Variants in XRCC4 observed in about 807,000 individuals in gnomAD.
The protein encoded by XRCC4 is DNA repair protein XRCC4.
In XRCC4, 28 loss-of-function variants were observed where a neutral mutation model predicts 39.1. The ratio of observed to expected loss-of-function variants is 0.72; its 90% CI spans 0.53 to 0.98. The LOEUF (loss-of-function observed/expected upper bound fraction) is 0.98, where lower values mean the gene tolerates loss of function less well. Among genes scored for constraint, XRCC4 ranks in the 50% least tolerant of loss-of-function variants. The probability of loss-of-function intolerance (pLI) is 0.00; values close to 1 mark genes in which losing one functional copy is unlikely to be tolerated. For synonymous variants in XRCC4, 123 were observed against 126.4 expected (o/e 0.97, Z 0.18); for missense variants, 350 against 376.4 (o/e 0.93, Z 0.58).
At chr5:83,302,194 AG>A (rs2112047012) in intron 7 of XRCC4, among the ~76,000 whole-genome samples, 1 of 152,108 alleles carries the variant, frequency 6.6e-6, no homozygotes, top group East Asian at 1.9e-4. Flanking sequence ...CCCTGGCTTA[AG>A]CCCTTTTTCC....
rs192692916 is a variant in XRCC4 at position 83,259,657 on chromosome 5, G to T, written c.893+980G>T. 9.9e-5 allele frequency among the ~76,000 whole-genome samples: 15 copies of T among 151,998 alleles called. No individual in the cohort carries two copies. The East Asian group carries it at 2.7e-3, about 27-fold the overall frequency. On this transcript the variant is annotated intron_variant, in intron 7 of 7. Coordinates refer to ENST00000396027, the MANE Select transcript of XRCC4 (RefSeq NM_003401.5). ...AATGCCCTCATAACATTTTTTTCTGGAAAATACGTTTCATAAAGAATATAT... is the reference window on the plus strand; with the variant it reads ...AATGCCCTCATAACATTTTTTTCTGTAAAATACGTTTCATAAAGAATATAT...
At chr5:83,094,298 G>GTTCCCTCCCC (rs1561320501) in intron 1 of XRCC4, among the ~76,000 whole-genome samples, 1 of 70,892 alleles carries the variant, frequency 1.4e-5, no homozygotes, top group Non-Finnish European at 2.6e-5. Context: ...CTCCTTTCCC[G>GTTCCCTCCCC]TTCCCTCCCC....
At chr5:83,223,391 G>A (rs1752161450) in intron 6 of XRCC4, among the ~76,000 whole-genome samples, 1 of 152,040 alleles carries the variant, frequency 6.6e-6, no homozygotes, top group Admixed American at 6.5e-5. Flanking sequence ...TTTGGGTGCT[G>A]TGGTGTTGGG....
chr5:83,209,484 A>G (rs554919177), intron 6 of XRCC4, among the ~76,000 whole-genome samples: 1 of 152,228 alleles, frequency 6.6e-6, no homozygotes, highest in African/African-American at 2.4e-5. Context: ...TAAAATATAT[A>G]TGAATATTCT....
intron 4 of XRCC4, among the ~76,000 whole-genome samples, chr5:83,196,523 A>G (rs1750955485): frequency 6.6e-6 from 1 of 151,910 alleles, no homozygotes; most frequent in African/African-American, 2.4e-5. Context: ...TTTTTAAATT[A>G]TGAACTTTCT....
chr5:83,166,748 A>G (rs1057147200), intron 3 of XRCC4, among the ~76,000 whole-genome samples: 1 of 151,574 alleles, frequency 6.6e-6, no homozygotes, highest in Non-Finnish European at 1.5e-5. Context: ...AAGAGTTGGC[A>G]TTACAGGCGT....
At chr5:83,284,601 T>G (rs528647923) in intron 7 of XRCC4, among the ~76,000 whole-genome samples, 1 of 152,236 alleles carries the variant, frequency 6.6e-6, no homozygotes, top group South Asian at 2.1e-4. Flanking sequence ...TCATTTACTC[T>G]AGGATTGAGC....
chr5:83,100,883 G>C (rs1430676363), intron 1 of XRCC4, among the ~76,000 whole-genome samples: 1 of 152,052 alleles, frequency 6.6e-6, no homozygotes, highest in Non-Finnish European at 1.5e-5. Flanking sequence ...TAAATGTATT[G>C]ACTAATTGAT....
rs190525730 is a variant in XRCC4 at position 83,144,724 on chromosome 5, A to T, written c.315+33521A>T. On this transcript the variant is annotated intron_variant, in intron 3 of 7. Coordinates refer to ENST00000396027, the MANE Select transcript of XRCC4 (RefSeq NM_003401.5). The stretch of plus-strand genomic sequence containing the variant: ...AAAATCCTTCTGCTGTTTGTCCTGC[A>T]GATTGGATAATTTATATTGATCTTT... Among the ~76,000 whole-genome samples the T allele has an allele frequency of 7.5e-3, 1,147 of 152,044 alleles. 7 individuals carry two copies. Among genetic ancestry groups the T allele is most frequent in the South Asian group, 0.013 (65 of 4,818 alleles).
chr5:83,336,238 A>G lies in XRCC4; in HGVS notation c.894-16893A>G, dbSNP rs569888852. 7.9e-5 allele frequency among the ~76,000 whole-genome samples: 12 copies of G among 152,272 alleles called. No homozygotes were observed. In the South Asian group the frequency reaches 2.3e-3, roughly 29 times the overall value. On this transcript the variant is annotated intron_variant, in intron 7 of 7. Transcript: ENST00000396027. Reference sequence around the variant, plus strand: ...AAGTTATGTATATTTTAAGGGAAATAACGATCAGACTGTTGAATTCAGCTA... The same window carrying G: ...AAGTTATGTATATTTTAAGGGAAATGACGATCAGACTGTTGAATTCAGCTA...
chr5:83,303,969 GTGAGGAATAGA>G (rs1237101025), intron 7 of XRCC4, among the ~76,000 whole-genome samples: 6 of 106,812 alleles, frequency 5.6e-5, no homozygotes, highest in Non-Finnish European at 8.5e-5. Context: ...TTAGGGTGAG[GTGAGGAATAGA>G]TAAACAGAAA....
At chr5:83,138,313 C>T (rs1240642750) in intron 3 of XRCC4, among the ~76,000 whole-genome samples, 1 of 152,154 alleles carries the variant, frequency 6.6e-6, no homozygotes, top group Non-Finnish European at 1.5e-5. Flanking sequence ...ATATGTCAAT[C>T]CAGTTTTTAT....
intron 6 of XRCC4, among the ~76,000 whole-genome samples, chr5:83,209,942 T>C (rs1019178909): frequency 2.0e-5 from 3 of 152,158 alleles, no homozygotes; most frequent in Non-Finnish European, 4.4e-5. Context: ...ATCCTGCTTC[T>C]TAACCAACAG....
In XRCC4 at chr5:83,169,912, C is replaced by T. The variant is rs28360098; in HGVS notation, c.316-25858C>T. ...TGCTAACAGACTGCAATAATACTAT[C>T]ATTATTTCATAAATTTTATTTCTAC... is the stretch of plus-strand genomic sequence containing the variant. On this transcript the variant is annotated intron_variant, in intron 3 of 7. Coordinates refer to ENST00000396027, the MANE Select transcript of XRCC4 (RefSeq NM_003401.5). Among the ~76,000 whole-genome samples, 493 of 152,244 alleles carry T rather than the reference C, an allele frequency of 3.2e-3. 2 individuals are homozygous for T. The highest frequency in any genetic ancestry group is 0.011 in the African/African-American group (469 of 41,544).
chr5:83,106,912 C>T (rs1746226726), intron 2 of XRCC4, among the ~76,000 whole-genome samples: 1 of 151,900 alleles, frequency 6.6e-6, no homozygotes, highest in Non-Finnish European at 1.5e-5. Flanking sequence ...TTAGAGTTAG[C>T]ATGTTTTTGA....
chr5:83,128,012 T>C (rs1190017193), intron 3 of XRCC4, among the ~76,000 whole-genome samples: 1 of 152,084 alleles, frequency 6.6e-6, no homozygotes, highest in Admixed American at 6.6e-5. Context: ...CTTTAAGTTC[T>C]AGGTTACATA....
intron 7 of XRCC4, among the ~76,000 whole-genome samples, chr5:83,307,495 A>G (rs1755529936): frequency 6.6e-6 from 1 of 152,214 alleles, no homozygotes; most frequent in South Asian, 2.1e-4. Flanking sequence ...AGAACTATAA[A>G]GAGAATGCTT....
intron 7 of XRCC4, among the ~76,000 whole-genome samples, chr5:83,289,885 G>A (rs999282392): frequency 6.6e-6 from 1 of 151,798 alleles, no homozygotes; most frequent in African/African-American, 2.4e-5. Context: ...AGAATCAGGA[G>A]AAGCTCTTTC....
chr5:83,116,667 G>A (rs1467810884), intron 3 of XRCC4, among the ~76,000 whole-genome samples: 1 of 136,968 alleles, frequency 7.3e-6, no homozygotes, highest in Non-Finnish European at 1.5e-5. Context: ...TGTCACCCAG[G>A]CTGGAGTGCA....
Sources: allele counts gnomAD v4.1 joint callset (sites outside exome capture counted in the v4.1 genomes callset), GRCh38; gene constraint gnomAD v4.1.1; transcripts MANE v1.5; gene names NCBI Gene and HGNC (gene_info 2026-07-23, HGNC 2026-07-21).